Variants in SFT2D2 observed in about 807,000 individuals in gnomAD.
The protein encoded by SFT2D2 is vesicle transport protein SFT2B.
A neutral mutation model predicts 27.4 loss-of-function variants in SFT2D2; 21 were observed. The observed-to-expected ratio is 0.77, with a 90% confidence interval of 0.54 to 1.10. The LOEUF (loss-of-function observed/expected upper bound fraction) is 1.10, where lower values mean the gene tolerates loss of function less well. Ranked by LOEUF, SFT2D2 falls within the 50% of genes least tolerant of loss-of-function variation. The probability of loss-of-function intolerance (pLI) is 0.00; values close to 1 mark genes in which losing one functional copy is unlikely to be tolerated. For synonymous variants in SFT2D2, 72 were observed against 71.7 expected, an observed-to-expected ratio of 1.00 and a Z score of -0.02; for missense variants, 187 against 194.2, an observed-to-expected ratio of 0.96 and a Z score of 0.22.
In SFT2D2 at chr1:168,235,153, A is replaced by G; in HGVS notation, c.289A>G (p.Thr97Ala). 6.2e-7 allele frequency: 1 copy of G among 1,613,878 alleles called. No homozygotes were observed. The highest frequency in any genetic ancestry group is 2.2e-5 in the East Asian group (1 of 44,882). Residue 97 changes from threonine to alanine, a missense_variant, in exon 4 of 8, where the codon ACT becomes GCT. Physicochemically the swap from Thr to Ala is moderately conservative, Grantham distance 58. Transcript: ENST00000271375. ...VKQLKRMFEPTRLIATIMVLL... is the reference protein window; with the variant it reads ...VKQLKRMFEPARLIATIMVLL... ...ACAGCTGAAGCGAATGTTTGAGCCT[A>G]CTCGTTTGATTGCAACTATCATGGT...
chr1:168,238,626 T>C (rs568641073), intron 6 of SFT2D2, among the ~76,000 whole-genome samples: 72 of 152,002 alleles, frequency 4.7e-4, no homozygotes, highest in Middle Eastern at 3.4e-3. Context: ...AGCCTAGAAA[T>C]TCAAGGCTGC....
intron 6 of SFT2D2, among the ~76,000 whole-genome samples, chr1:168,237,905 GT>G (rs1318708656): frequency 1.3e-5 from 2 of 150,308 alleles, no homozygotes; most frequent in Non-Finnish European, 3.0e-5. Context: ...GTGGTAGACT[GT>G]TTATATTTTG....
chr1:168,228,319 G>C (rs1700482006), intron 1 of SFT2D2, among the ~76,000 whole-genome samples: 1 of 152,192 alleles, frequency 6.6e-6, no homozygotes, highest in African/African-American at 2.4e-5. Flanking sequence ...TTGCTATTTT[G>C]TGTGGTAAGT....
At chr1:168,226,908 C>T (rs1253105642) in intron 1 of SFT2D2, among the ~76,000 whole-genome samples, 1 of 152,124 alleles carries the variant, frequency 6.6e-6, no homozygotes, top group Non-Finnish European at 1.5e-5. Context: ...CAGCCTCTGC[C>T]TCCTGGGTTC....
intron 7 of SFT2D2, among the ~76,000 whole-genome samples, chr1:168,239,707 CTT>C (rs1201980773): frequency 6.6e-6 from 1 of 152,036 alleles, no homozygotes; most frequent in African/African-American, 2.4e-5. Context: ...CCAGAGGCCT[CTT>C]TTAGCTCTGA....
chr1:168,227,085 G>A (rs879906506), intron 1 of SFT2D2, among the ~76,000 whole-genome samples: 1 of 152,166 alleles, frequency 6.6e-6, no homozygotes, highest in Non-Finnish European at 1.5e-5. Flanking sequence ...CTCCCAAAGT[G>A]CTGGGATTAC....
At chr1:168,229,041 A>G (rs1700487297) in intron 1 of SFT2D2, among the ~76,000 whole-genome samples, 1 of 152,224 alleles carries the variant, frequency 6.6e-6, no homozygotes, top group Admixed American at 6.5e-5. Flanking sequence ...GTAATGGAAA[A>G]ATACAGTGGT....
chr1:168,239,175 T>A lies in SFT2D2; in HGVS notation c.443+15T>A, dbSNP rs370765463. 8.1e-5 allele frequency: 128 copies of A among 1,584,930 alleles called. No individual in the cohort carries two copies. The highest frequency in any genetic ancestry group is 8.5e-5 in the Non-Finnish European group (98 of 1,153,900). On this transcript the variant is annotated intron_variant, in intron 7 of 7. Transcript: ENST00000271375. ...CCATTTGCAAGGTAAGACTGTGTAT[T>A]TGGAAATAATGATTTCTGTCATTTT...
intron 1 of SFT2D2, among the ~76,000 whole-genome samples, chr1:168,230,884 G>T (rs369531538): frequency 1.3e-5 from 2 of 148,820 alleles, no homozygotes; most frequent in African/African-American, 5.0e-5. Context: ...CTCCAGGGAG[G>T]GATTAATCAT....
At chr1:168,231,021 G>A (rs565518605) in intron 1 of SFT2D2, among the ~76,000 whole-genome samples, 3 of 152,238 alleles carry the variant, frequency 2.0e-5, no homozygotes, top group Non-Finnish European at 4.4e-5. Context: ...AATAATGTGG[G>A]TGAGAGTTGA....
In SFT2D2 at chr1:168,226,378, C is replaced by T. The variant is rs545755487; in HGVS notation, c.63+236C>T. Among the ~76,000 whole-genome samples, 8 of 152,258 alleles carry T rather than the reference C, an allele frequency of 5.3e-5. No individual in the cohort carries two copies. The South Asian group carries it at 6.2e-4, about 12-fold the overall frequency. ...CCCATCCTCCCTGACAAGGGGGCGG[C>T]GCAGGAGGAAATCCCCGGACTGAGC... On this transcript the variant is annotated intron_variant, in intron 1 of 7. Coordinates refer to ENST00000271375, the MANE Select transcript of SFT2D2 (RefSeq NM_199344.3).
chr1:168,231,778 T>G, intron 2 of SFT2D2, 56 bp from the exon 3 acceptor site: 1 of 1,568,972 alleles, frequency 6.4e-7, no homozygotes. Flanking sequence ...GGAGCTCTGC[T>G]TGTGTGGCCG....
intron 1 of SFT2D2, among the ~76,000 whole-genome samples, chr1:168,227,297 G>A (rs1261711416): frequency 6.6e-6 from 1 of 152,196 alleles, no homozygotes; most frequent in African/African-American, 2.4e-5. Context: ...CCCCATCTGT[G>A]AAATGAGGAT....
At position 168,231,900 on chromosome 1, in the gene SFT2D2, A is replaced by G; in HGVS notation, c.217A>G (p.Asn73Asp). 6.2e-7 allele frequency: 1 copy of G among 1,614,140 alleles called. No individual in the cohort carries two copies. The highest frequency in any genetic ancestry group is 8.5e-7 in the Non-Finnish European group (1 of 1,179,984). The change falls in exon 3 of 8, where the codon AAT (asparagine) becomes GAT (aspartate). Residue 73 changes from asparagine to aspartate, a missense_variant. Transcript: ENST00000271375. ...HLFAVFYTFG[N>D]IASIGSTIFL... The stretch of plus-strand genomic sequence containing the variant: ...CTTCGCAGTGTTTTATACCTTTGGT[A>G]ATATCGCATCAATTGGGAGGTAACT...
In SFT2D2 at chr1:168,226,073, G is replaced by A. The variant is rs950367788; in HGVS notation, c.-7G>A. The A allele has an allele frequency of 2.0e-6, 3 of 1,531,356 alleles. No individual in the cohort carries two copies. Among genetic ancestry groups the A allele is most frequent in the African/African-American group, 2.8e-5 (2 of 71,254 alleles). 94.9% of individuals were successfully genotyped at this position (1,531,356 alleles called of 1,614,324 possible). ...GAGGAGCTGGAGCTGGTGGGGACTG[G>A]GCCGCAATGGACAAGCTGAAGAAGG... On this transcript the variant is annotated 5_prime_UTR_variant, in exon 1 of 8. Coordinates refer to ENST00000271375, the MANE Select transcript of SFT2D2 (RefSeq NM_199344.3).
chr1:168,242,862 G>C lies in SFT2D2; in HGVS notation c.*322G>C. 3.0e-6 allele frequency: 1 copy of C among 335,574 alleles called. No homozygotes were observed. Among genetic ancestry groups the C allele is most frequent in the South Asian group, 3.1e-5 (1 of 31,920 alleles). The allele number at this position is 335,574 out of a possible 1,614,324, so 20.8% of individuals were successfully genotyped here. ...ATTCAGCAACAGCACATAAGCCTTG[G>C]GTGCAAGTGATTCCCAGGTGGCAAA... On this transcript the variant is annotated 3_prime_UTR_variant, in exon 8 of 8. Coordinates refer to ENST00000271375, the MANE Select transcript of SFT2D2 (RefSeq NM_199344.3).
In SFT2D2 at chr1:168,231,544, A is replaced by T. The variant is rs61744540; in HGVS notation, c.94A>T (p.Thr32Ser). 1 of 1,613,588 alleles carries T rather than the reference A, an allele frequency of 6.2e-7. No individual in the cohort carries two copies. Among genetic ancestry groups the T allele is most frequent in the Admixed American group, 1.7e-5 (1 of 59,974 alleles). ...VVEASSLSWS[T>S]RIKGFIACFA... Reference sequence around the variant, plus strand: ...TGAGGCATCTTCATTAAGCTGGAGTACCAGGATAAAAGGCTTCATTGCGTG... The same window carrying T: ...TGAGGCATCTTCATTAAGCTGGAGTTCCAGGATAAAAGGCTTCATTGCGTG... The change falls in exon 2 of 8, where the codon ACC becomes TCC. Residue 32 changes from threonine to serine, a missense_variant. Thr to Ser is a moderately conservative substitution (Grantham distance 58). Coordinates refer to ENST00000271375, the MANE Select transcript of SFT2D2 (RefSeq NM_199344.3).
In SFT2D2 at chr1:168,246,880, T is replaced by A; in HGVS notation, c.*4340T>A. The A allele has an allele frequency of 1.7e-6, 1 of 589,894 alleles. No individual in the cohort carries two copies. The highest frequency in any genetic ancestry group is 5.4e-5 in the East Asian group (1 of 18,616). 36.5% of individuals were successfully genotyped at this position (589,894 alleles called of 1,614,324 possible). A position where few individuals can be genotyped will look rare whatever the true frequency, so the allele number is the denominator to read the frequency against. ...AGGTCTTCATGCTTTCTTTTTATAA[T>A]TTCAATGTCTTTTAAGTATTTCTTT... is the stretch of plus-strand genomic sequence containing the variant. On this transcript the variant is annotated 3_prime_UTR_variant, in exon 8 of 8. Coordinates refer to ENST00000271375, the MANE Select transcript of SFT2D2 (RefSeq NM_199344.3).
At chr1:168,239,293 T>C (rs1647584893) in intron 7 of SFT2D2, 133 bp downstream of exon 7, 2 of 653,702 alleles carry the variant, frequency 3.1e-6, no homozygotes, top group South Asian at 1.9e-5. Context: ...ACATCTCATT[T>C]ATAGATAAGT....
Sources: gnomAD v4.1 joint callset for allele counts (sites outside exome capture counted in the v4.1 genomes callset) on GRCh38, gnomAD v4.1.1 for gene constraint, MANE v1.5 for transcripts, NCBI Gene and HGNC (gene_info 2026-07-23, HGNC 2026-07-21) for gene names.